Variants in TRIP12 observed in about 807,000 individuals in gnomAD.
TRIP12 encodes E3 ubiquitin-protein ligase TRIP12.
In TRIP12, 25 loss-of-function variants were observed where a neutral mutation model predicts 244.2. That is an observed-to-expected ratio of 0.10 (90% CI 0.07 to 0.14). The LOEUF (loss-of-function observed/expected upper bound fraction) is 0.14, where lower values mean the gene tolerates loss of function less well. TRIP12 is among the 10% of genes least tolerant of loss of function. TRIP12 has a pLI of 1.00. For missense variants in TRIP12, 1,677 were observed against 2,486.4 expected (o/e 0.67, Z 6.92); for synonymous variants, 905 against 873.1 (o/e 1.04, Z -0.64).
rs745556059 is a variant in TRIP12 at position 229,814,008 on chromosome 2, C to G, written c.1848G>C (p.Leu616=). Residue 616 remains leucine, a synonymous_variant, in exon 13 of 42, where the codon CTG becomes CTC. Coordinates refer to ENST00000675903, the MANE Select transcript of TRIP12 (RefSeq NM_001348323.3). ...CATTTATGCTGAAGAATTCTAGGTACAGCAAGCAGTCTGCCAAACCACCCT... is the reference window on the plus strand; with the variant it reads ...CATTTATGCTGAAGAATTCTAGGTAGAGCAAGCAGTCTGCCAAACCACCCT... ...LQAGGLADCL[L]YLEFFSINAQ... is the part of the protein sequence containing the mutation. The G allele has an allele frequency of 1.3e-6, 2 of 1,580,820 alleles. No homozygotes were observed. The highest frequency in any genetic ancestry group is 2.3e-5 in the South Asian group (2 of 88,356).
At position 229,815,108 on chromosome 2, in the gene TRIP12, A is replaced by G; in HGVS notation, c.1722T>C (p.Phe574=). ...GTAAAAGTAGGATCACCTTTTCTAAAAAGACAGGAATAGCATCTACTACAA... is the reference window on the plus strand; with the variant it reads ...GTAAAAGTAGGATCACCTTTTCTAAGAAGACAGGAATAGCATCTACTACAA... ...SAVVVDAIPV[F]LEKLQVIQCI... is the part of the protein sequence containing the mutation. Residue 574 remains phenylalanine (F), a synonymous_variant, in exon 11 of 42, where the codon TTT becomes TTC. Transcript: ENST00000675903. 6.2e-7 allele frequency: 1 copy of G among 1,609,554 alleles called. No homozygotes were observed.
At chr2:229,878,746 A>G (rs180927293) in intron 2 of TRIP12, among the ~76,000 whole-genome samples, 1 of 151,538 alleles carries the variant, frequency 6.6e-6, no homozygotes, top group African/African-American at 2.4e-5. Context: ...ATGCCCAGCT[A>G]AATTTTTTTG....
intron 8 of TRIP12, among the ~76,000 whole-genome samples, chr2:229,820,984 T>C (rs1161558683): frequency 2.0e-5 from 3 of 152,172 alleles, no homozygotes; most frequent in Non-Finnish European, 4.4e-5. Flanking sequence ...CATGAATAAG[T>C]GGACCCAGCA....
chr2:229,849,781 G>C (rs1281268031), intron 4 of TRIP12, among the ~76,000 whole-genome samples: 1 of 151,996 alleles, frequency 6.6e-6, no homozygotes. Context: ...GCTGAGGTGG[G>C]AACACTGTTT....
chr2:229,768,246 G>A (rs1272866067), intron 41 of TRIP12, among the ~76,000 whole-genome samples: 1 of 152,134 alleles, frequency 6.6e-6, no homozygotes, highest in Non-Finnish European at 1.5e-5. Flanking sequence ...TGGGTGACAA[G>A]AGTGAGATCC....
rs560370561 is a variant in TRIP12 at position 229,767,107 on chromosome 2, T to C, written c.*447A>G. On this transcript the variant is annotated 3_prime_UTR_variant, in exon 42 of 42. Transcript: ENST00000675903. Reference sequence around the variant, plus strand: ...CATAGAGCTAGTCTACTAAACTATATTTGTCAAATACATGTGAGCTTAAAT... The same window carrying C: ...CATAGAGCTAGTCTACTAAACTATACTTGTCAAATACATGTGAGCTTAAAT... The C allele has an allele frequency of 3.4e-3, 523 of 154,350 alleles. 1 individual carries two copies. The highest frequency in any genetic ancestry group is 5.5e-3 in the Non-Finnish European group (382 of 69,248). 9.6% of individuals were successfully genotyped at this position (154,350 alleles called of 1,614,324 possible).
rs74405502 is a variant in TRIP12 at position 229,852,003 on chromosome 2, C to T, written c.1027+6769G>A. Among the ~76,000 whole-genome samples the T allele has an allele frequency of 9.7e-3, 1,475 of 152,302 alleles. 17 individuals carry two copies. The highest frequency in any genetic ancestry group is 0.033 in the African/African-American group (1,389 of 41,552). ...TTAACTCATTCTTATTTCCTCCCTC[C>T]GTGCTAGGGGCCCAAAGCACTAAGT... is the stretch of plus-strand genomic sequence containing the variant. On this transcript the variant is annotated intron_variant, in intron 4 of 41. Transcript: ENST00000675903.
At chr2:229,851,069 T>G (rs1407487940) in intron 4 of TRIP12, among the ~76,000 whole-genome samples, 1 of 152,166 alleles carries the variant, frequency 6.6e-6, no homozygotes, top group Non-Finnish European at 1.5e-5. Context: ...GGGCACCCAG[T>G]ACCATCGATC....
intron 1 of TRIP12, among the ~76,000 whole-genome samples, chr2:229,884,120 A>C (rs1354878856): frequency 6.6e-6 from 1 of 151,940 alleles, no homozygotes; most frequent in Non-Finnish European, 1.5e-5. Flanking sequence ...AAAAAAACCC[A>C]AAAACCTGTA....
rs1380312454 is a variant in TRIP12 at position 229,918,110 on chromosome 2, TAC to T, written c.-50+3768_-50+3769del. 2.0e-5 allele frequency among the ~76,000 whole-genome samples: 3 copies of T among 152,336 alleles called. No homozygotes were observed. The East Asian group carries it at 5.8e-4, about 29-fold the overall frequency. ...TACTGTAATGCAGAAACGAAGCAAGTACAGTTAATCAGAAATACAAAGATCAC... is the reference window on the plus strand; with the variant it reads ...TACTGTAATGCAGAAACGAAGCAAGTAGTTAATCAGAAATACAAAGATCAC... On this transcript the variant is annotated intron_variant, in intron 1 of 41. Coordinates refer to ENST00000675903, the MANE Select transcript of TRIP12 (RefSeq NM_001348323.3).
intron 1 of TRIP12, among the ~76,000 whole-genome samples, chr2:229,906,822 C>T (rs551645042): frequency 6.6e-6 from 1 of 151,870 alleles, no homozygotes; most frequent in Non-Finnish European, 1.5e-5. Flanking sequence ...GTTCCTTACA[C>T]TATTTTTGCA....
chr2:229,785,903 C>T (rs1397823340), intron 33 of TRIP12, 48 bp from the exon 34 acceptor site: 3 of 1,505,454 alleles, frequency 2.0e-6, no homozygotes, highest in East Asian at 4.6e-5. Context: ...ACCCATATTA[C>T]ACTTTAATAA....
chr2:229,910,937 C>CAGT (rs1457055169), intron 1 of TRIP12, among the ~76,000 whole-genome samples: 1 of 152,166 alleles, frequency 6.6e-6, no homozygotes, highest in Non-Finnish European at 1.5e-5. Flanking sequence ...AAACATCAGC[C>CAGT]TACTTGTTGC....
At chr2:229,798,776 T>C (rs2043448152) in intron 23 of TRIP12, 99 bp downstream of exon 23, 10 of 1,280,798 alleles carry the variant, frequency 7.8e-6, no homozygotes, top group Non-Finnish European at 9.8e-6. Context: ...AAGTGCTGTG[T>C]CTATGTATCG....
intron 39 of TRIP12, 152 bp from the exon 40 acceptor site, chr2:229,769,477 T>A (rs1344566610): frequency 5.1e-6 from 2 of 394,822 alleles, no homozygotes; most frequent in Admixed American, 4.5e-5. Context: ...AAAATAATAA[T>A]AAAATAAAAT....
chr2:229,817,312 TTA>T, intron 9 of TRIP12, among the ~76,000 whole-genome samples: 1 of 152,328 alleles, frequency 6.6e-6, no homozygotes, highest in Middle Eastern at 3.4e-3. Flanking sequence ...ATGTAAATGT[TTA>T]TGTTTGTCTT....
At chr2:229,902,812 A>G (rs946720097) in intron 1 of TRIP12, among the ~76,000 whole-genome samples, 10 of 152,206 alleles carry the variant, frequency 6.6e-5, no homozygotes, top group African/African-American at 2.4e-4. Flanking sequence ...AAACAGAGAA[A>G]AGAAAATAGA....
intron 1 of TRIP12, among the ~76,000 whole-genome samples, chr2:229,920,084 GAC>G (rs778786786): frequency 3.3e-5 from 5 of 152,092 alleles, no homozygotes; most frequent in Non-Finnish European, 5.9e-5. Context: ...GTGTAAATGC[GAC>G]ACACACAGGC....
intron 40 of TRIP12, 81 bp downstream of exon 40, chr2:229,769,150 T>C: frequency 1.7e-6 from 2 of 1,192,148 alleles, no homozygotes; most frequent in Non-Finnish European, 2.4e-6. Flanking sequence ...TGTTTACACA[T>C]GTGCGCATGT....
Sources: gnomAD v4.1 joint callset for allele counts (sites outside exome capture counted in the v4.1 genomes callset) on GRCh38, gnomAD v4.1.1 for gene constraint, MANE v1.5 for transcripts, NCBI Gene and HGNC (gene_info 2026-07-23, HGNC 2026-07-21) for gene names.